Variants in UBE2D3 observed in about 807,000 individuals in gnomAD.
The protein encoded by UBE2D3 is ubiquitin-conjugating enzyme E2 D3.
UBE2D3 carries 2 observed loss-of-function variants against 22.8 expected under a neutral mutation model. The ratio of observed to expected loss-of-function variants is 0.09; its 90% CI spans 0.04 to 0.28. The LOEUF (loss-of-function observed/expected upper bound fraction) is 0.28. Ranked by LOEUF, UBE2D3 falls within the 10% of genes least tolerant of loss-of-function variation. UBE2D3 has a pLI of 1.00. For missense variants in UBE2D3, 27 were observed against 182.5 expected, an observed-to-expected ratio of 0.15 and a Z score of 4.91; for synonymous variants, 56 against 60.4, an observed-to-expected ratio of 0.93 and a Z score of 0.34.
chr4:102,817,095 A>T (rs541419741), intron 2 of UBE2D3, among the ~76,000 whole-genome samples: 1 of 152,220 alleles, frequency 6.6e-6, no homozygotes, highest in Non-Finnish European at 1.5e-5. Context: ...TGAGAGAAGC[A>T]TTCTAGGTAG....
At chr4:102,809,608 A>C (rs933747158) in intron 4 of UBE2D3, 64 bp downstream of exon 4, 3 of 1,483,750 alleles carry the variant, frequency 2.0e-6, no homozygotes, top group Non-Finnish European at 2.7e-6. Flanking sequence ...CCAAGTTAAA[A>C]ATTACAACCA....
At chr4:102,859,389 T>C (rs1392802375) in intron 1 of UBE2D3, among the ~76,000 whole-genome samples, 1 of 151,974 alleles carries the variant, frequency 6.6e-6, no homozygotes, top group African/African-American at 2.4e-5. Flanking sequence ...TGAAAAAATT[T>C]TCATATCAGA....
chr4:102,817,602 G>T lies in UBE2D3; in HGVS notation c.25-7747C>A, dbSNP rs368996035. Among the ~76,000 whole-genome samples the T allele has an allele frequency of 5.3e-5, 8 of 152,088 alleles. No individual in the cohort carries two copies. In the East Asian group the frequency reaches 1.3e-3, roughly 26 times the overall value. Reference sequence around the variant, plus strand: ...TCCTTGCAAAGATAATTTAATGTTTGGCAAACTGAGGGAAAAAAATTCTCA... The same window carrying T: ...TCCTTGCAAAGATAATTTAATGTTTTGCAAACTGAGGGAAAAAAATTCTCA... On this transcript the variant is annotated intron_variant, in intron 2 of 7. Coordinates refer to ENST00000453744, the MANE Select transcript of UBE2D3 (RefSeq NM_181891.3).
At chr4:102,861,930 G>A (rs1732919894) in intron 1 of UBE2D3, among the ~76,000 whole-genome samples, 1 of 151,794 alleles carries the variant, frequency 6.6e-6, no homozygotes, top group South Asian at 2.1e-4. Context: ...ATTTATTATG[G>A]ATTGACTGAC....
exon 1 of UBE2D3, chr4:102,868,853 G>T: frequency 1.9e-6 from 3 of 1,542,124 alleles, no homozygotes; most frequent in Non-Finnish European, 1.8e-6. Flanking sequence ...TTCCGAGGAG[G>T]GCCTCGCTAC....
At chr4:102,826,732 G>T in intron 1 of UBE2D3, 96 bp from the exon 2 acceptor site, 1 of 1,421,238 alleles carries the variant, frequency 7.0e-7, no homozygotes, top group Non-Finnish European at 9.1e-7. Flanking sequence ...CGGGGTGGGT[G>T]GGGTGGCGTG....
intron 1 of UBE2D3, chr4:102,827,170 TCCCGCGCGCG>T (rs1730683765): frequency 2.0e-6 from 2 of 986,874 alleles, no homozygotes; most frequent in East Asian, 1.1e-4. Flanking sequence ...TCCAGCGCGC[TCCCGCGCGCG>T]CCCGCCCAGC....
At chr4:102,868,441 T>A (rs1294704255) in intron 1 of UBE2D3, among the ~76,000 whole-genome samples, 1 of 152,204 alleles carries the variant, frequency 6.6e-6, no homozygotes, top group African/African-American at 2.4e-5. Flanking sequence ...ACTACGAATC[T>A]TCTCTGAGTG....
At chr4:102,820,064 C>T (rs1457839113) in intron 2 of UBE2D3, among the ~76,000 whole-genome samples, 1 of 152,100 alleles carries the variant, frequency 6.6e-6, no homozygotes, top group African/African-American at 2.4e-5. Context: ...GGAGTAAGTG[C>T]CTTAAGAAAT....
chr4:102,840,879 C>T (rs776855778), intron 1 of UBE2D3, among the ~76,000 whole-genome samples: 5 of 151,840 alleles, frequency 3.3e-5, no homozygotes, highest in South Asian at 4.2e-4. Flanking sequence ...TAGCTGGGCA[C>T]GGTGGCAGGC....
chr4:102,855,307 A>T (rs1484931342), intron 1 of UBE2D3, among the ~76,000 whole-genome samples: 3 of 152,228 alleles, frequency 2.0e-5, no homozygotes, highest in Non-Finnish European at 4.4e-5. Flanking sequence ...TGGCTTGTGA[A>T]CCAAAATATC....
At chr4:102,821,804 A>G (rs972793676) in intron 2 of UBE2D3, among the ~76,000 whole-genome samples, 3 of 152,198 alleles carry the variant, frequency 2.0e-5, no homozygotes, top group Admixed American at 2.0e-4. Context: ...AAATTTTTTT[A>G]AAAACTCCAA....
rs1725296538 is a variant in UBE2D3, at chr4:102,796,640, T to C, written c.*775A>G. On this transcript the variant is annotated 3_prime_UTR_variant, in exon 8 of 8. Coordinates refer to ENST00000453744, the MANE Select transcript of UBE2D3 (RefSeq NM_181891.3). ...AAAATAAATCAATTACTAGCAGAGC[T>C]ATTAGTTGATCACTCATCCATTGAC... 1 of 152,492 alleles carries C rather than the reference T, an allele frequency of 6.6e-6. No individual in the cohort carries two copies. Among genetic ancestry groups the C allele is most frequent in the Non-Finnish European group, 1.5e-5 (1 of 67,922 alleles). 9.4% of individuals were successfully genotyped at this position (152,492 alleles called of 1,614,324 possible).
chr4:102,856,603 G>T (rs894774244), intron 1 of UBE2D3, among the ~76,000 whole-genome samples: 2 of 152,088 alleles, frequency 1.3e-5, no homozygotes, highest in African/African-American at 4.8e-5. Context: ...TATATGGAAA[G>T]AAATTCAAAC....
chr4:102,825,260 G>A, intron 2 of UBE2D3: 1 of 986,150 alleles, frequency 1.0e-6, no homozygotes. Flanking sequence ...AATTTTTCTA[G>A]TAAGGCTGAA....
chr4:102,817,909 T>C (rs1560863237), intron 2 of UBE2D3, among the ~76,000 whole-genome samples: 1 of 152,206 alleles, frequency 6.6e-6, no homozygotes, highest in Admixed American at 6.5e-5. Flanking sequence ...AAAATGTTTT[T>C]AGAGCCTAAA....
chr4:102,809,506 ATGAC>A, intron 4 of UBE2D3, 162 bp downstream of exon 4: 1 of 739,472 alleles, frequency 1.4e-6, no homozygotes, highest in Non-Finnish European at 2.2e-6. Context: ...CACGTAACAA[ATGAC>A]TAACTCATTA....
At chr4:102,855,583 C>T (rs1264037366) in intron 1 of UBE2D3, among the ~76,000 whole-genome samples, 1 of 152,070 alleles carries the variant, frequency 6.6e-6, no homozygotes, top group Non-Finnish European at 1.5e-5. Flanking sequence ...ACCACACCCA[C>T]CTAATTTTTA....
chr4:102,835,832 G>C (rs1731363757), intron 1 of UBE2D3, among the ~76,000 whole-genome samples: 1 of 152,012 alleles, frequency 6.6e-6, no homozygotes, highest in Admixed American at 6.6e-5. Context: ...TTCACCACAA[G>C]TTTCCTTATG....
Sources: allele counts gnomAD v4.1 joint callset (sites outside exome capture counted in the v4.1 genomes callset), GRCh38; gene constraint gnomAD v4.1.1; transcripts MANE v1.5; gene names NCBI Gene and HGNC (gene_info 2026-07-23, HGNC 2026-07-21).